CRTAC1: variants seen among roughly 807,000 people sequenced by gnomAD.
CRTAC1 encodes the protein acidic secreted protein in cartilage.
A neutral mutation model predicts 67.8 loss-of-function variants in CRTAC1; 37 were observed. The observed-to-expected ratio is 0.55, with a 90% confidence interval of 0.42 to 0.72. CRTAC1 has a LOEUF of 0.72. Among genes scored for constraint, CRTAC1 ranks in the 30% least tolerant of loss-of-function variants. The pLI, the probability that CRTAC1 is intolerant of heterozygous loss-of-function variation, is 0.00. For missense variants in CRTAC1, 780 were observed against 931.6 expected (o/e 0.84, Z 2.12); for synonymous variants, 348 against 371.0 (o/e 0.94, Z 0.71).
At chr10:97,936,435 G>A in intron 2 of CRTAC1, 69 bp from the exon 3 acceptor site, 3 of 1,340,354 alleles carry the variant, frequency 2.2e-6, no homozygotes, top group Admixed American at 3.8e-5. Context: ...TCCAACCAGA[G>A]CAACGGGCTG....
At chr10:98,005,666 C>CTA (rs1366539390) in intron 2 of CRTAC1, among the ~76,000 whole-genome samples, 8 of 150,564 alleles carry the variant, frequency 5.3e-5, no homozygotes, top group South Asian at 4.2e-4. Context: ...TCTATAAATA[C>CTA]TATATATATA....
chr10:97,896,396 T>A (rs150461590), intron 9 of CRTAC1, among the ~76,000 whole-genome samples: 128 of 152,278 alleles, frequency 8.4e-4, no homozygotes, highest in African/African-American at 2.7e-3. Context: ...AGGGCAGATA[T>A]AATTATCCCC....
At chr10:97,940,567 G>A (rs1338693063) in intron 2 of CRTAC1, among the ~76,000 whole-genome samples, 4 of 152,208 alleles carry the variant, frequency 2.6e-5, no homozygotes, top group Admixed American at 1.3e-4. Flanking sequence ...TGACCAACCC[G>A]TGCTGTGAGA....
chr10:98,014,121 A>T (rs1486533357), intron 1 of CRTAC1, among the ~76,000 whole-genome samples: 1 of 152,156 alleles, frequency 6.6e-6, no homozygotes, highest in Non-Finnish European at 1.5e-5. Context: ...TGTAAATATA[A>T]TATTTACCCT....
At chr10:97,954,027 G>A (rs1489910585) in intron 2 of CRTAC1, among the ~76,000 whole-genome samples, 2 of 152,122 alleles carry the variant, frequency 1.3e-5, no homozygotes, top group Admixed American at 6.5e-5. Flanking sequence ...CTGTCGAGAC[G>A]TCTCTACAGC....
At chr10:97,912,789 G>C (rs2050706002) in intron 5 of CRTAC1, among the ~76,000 whole-genome samples, 1 of 152,150 alleles carries the variant, frequency 6.6e-6, no homozygotes, top group Admixed American at 6.5e-5. Flanking sequence ...TGCTCTCCAG[G>C]CCTCAGTTTC....
chr10:97,969,252 G>A (rs1466787799), intron 2 of CRTAC1, among the ~76,000 whole-genome samples: 1 of 152,160 alleles, frequency 6.6e-6, no homozygotes, highest in African/African-American at 2.4e-5. Context: ...GGGAGGAGGA[G>A]CTTCTAGAAT....
At position 98,029,472 on chromosome 10, in the gene CRTAC1, T is replaced by C. The variant is rs1222697563; in HGVS notation, c.24+977A>G. Among the ~76,000 whole-genome samples, 2 of 143,202 alleles carry C rather than the reference T, an allele frequency of 1.4e-5. No individual in the cohort carries two copies. Among genetic ancestry groups the C allele is most frequent in the African/African-American group, 2.5e-5 (1 of 39,648 alleles). The allele number at this position is 143,202 out of a possible 152,430, so 93.9% of individuals were successfully genotyped here. Reference sequence around the variant, plus strand: ...TGGGATGTGCAGAAGCCACACTGGGTGCACCCACCAGCAGCAGCAGCGGCG... The same window carrying C: ...TGGGATGTGCAGAAGCCACACTGGGCGCACCCACCAGCAGCAGCAGCGGCG... On this transcript the variant is annotated intron_variant, in intron 1 of 14. Transcript: ENST00000370597. The surrounding 1 kb of genome is among the most constrained non-coding windows in gnomAD (Gnocchi z 4.7).
intron 14 of CRTAC1, among the ~76,000 whole-genome samples, chr10:97,876,801 G>C (rs959455626): frequency 2.6e-5 from 4 of 152,128 alleles, no homozygotes; most frequent in Non-Finnish European, 5.9e-5. Flanking sequence ...GAAGAAAGAG[G>C]GGAATGGGAA....
At chr10:97,902,041 C>T (rs1209227400) in intron 7 of CRTAC1, among the ~76,000 whole-genome samples, 1 of 152,098 alleles carries the variant, frequency 6.6e-6, no homozygotes, top group East Asian at 1.9e-4. Flanking sequence ...CTTCTGATTC[C>T]GGACTCTGTG....
Position 97,973,888 on chromosome 10 carries a change from A to G in CRTAC1, c.224+37250T>C, listed in dbSNP as rs116228296. On this transcript the variant is annotated intron_variant, in intron 2 of 14. Coordinates refer to ENST00000370597, the MANE Select transcript of CRTAC1 (RefSeq NM_018058.7). ...CCTAGGGGTTCATGAACCTCCCAAA[A>G]CTGCAGAATTCTGTGATTATAATAG... Among the ~76,000 whole-genome samples, 974 of 150,498 alleles carry G rather than the reference A, an allele frequency of 6.5e-3. 12 individuals are homozygous for G. The highest frequency in any genetic ancestry group is 0.022 in the African/African-American group (900 of 40,888).
intron 2 of CRTAC1, among the ~76,000 whole-genome samples, chr10:97,957,857 G>T (rs542190821): frequency 1.3e-5 from 2 of 152,090 alleles, no homozygotes; most frequent in African/African-American, 4.8e-5. Context: ...GGTGGGTGAG[G>T]GGCTTGGAAA....
Position 98,003,129 on chromosome 10 carries a change from G to T in CRTAC1, c.224+8009C>A, listed in dbSNP as rs115763478. ...ACAGGGATTGACGTTGATTACAAAA[G>T]AATACATTTGTTGGTAGCATATTTC... On this transcript the variant is annotated intron_variant, in intron 2 of 14. Coordinates refer to ENST00000370597, the MANE Select transcript of CRTAC1 (RefSeq NM_018058.7). 3.0e-3 allele frequency among the ~76,000 whole-genome samples: 462 copies of T among 152,180 alleles called. 1 individual carries two copies. The highest frequency in any genetic ancestry group is 0.01 in the African/African-American group (433 of 41,530).
intron 1 of CRTAC1, among the ~76,000 whole-genome samples, chr10:98,020,363 AC>A (rs11336484): frequency 0.22 from 33,518 of 152,170 alleles, 3,901 homozygotes; most frequent in African/African-American, 0.27. Flanking sequence ...CACATAAGTA[AC>A]CCACTTAATA....
chr10:98,019,271 G>C (rs1259723090), intron 1 of CRTAC1, among the ~76,000 whole-genome samples: 1 of 152,156 alleles, frequency 6.6e-6, no homozygotes, highest in African/African-American at 2.4e-5. Context: ...CCGCCGCCTG[G>C]CTTATAAGCT....
At position 97,989,834 on chromosome 10, in the gene CRTAC1, G is replaced by T. The variant is rs980774716; in HGVS notation, c.224+21304C>A. Among the ~76,000 whole-genome samples, 14 of 152,198 alleles carry T rather than the reference G, an allele frequency of 9.2e-5. No homozygotes were observed. In the South Asian group the frequency reaches 2.9e-3, roughly 32 times the overall value. On this transcript the variant is annotated intron_variant, in intron 2 of 14. Transcript: ENST00000370597. ...GGGAAGGAGTTAGAGTTTAACCACA[G>T]ATTTGTGTAACCACAGATTGCGTGA...
chr10:97,931,488 T>G (rs2051003209), intron 3 of CRTAC1, among the ~76,000 whole-genome samples: 1 of 152,250 alleles, frequency 6.6e-6, no homozygotes, highest in South Asian at 2.1e-4. Context: ...AGTGGAGTAC[T>G]ATACAACCAT....
chr10:97,903,408 G>A (rs2050568243), intron 7 of CRTAC1, among the ~76,000 whole-genome samples: 1 of 151,600 alleles, frequency 6.6e-6, no homozygotes, highest in Admixed American at 6.6e-5. Flanking sequence ...GAATAAAGGT[G>A]GAAATCGTCC....
chr10:97,895,971 C>T lies in CRTAC1; in HGVS notation c.1231G>A (p.Asp411Asn), dbSNP rs1238694116. ...EGRGTGGVVT[D>N]FDGDGMLDLI... is the part of the protein sequence containing the mutation. ...TCCAGCATCCCGTCTCCGTCGAAGT[C>T]GGTCACCACACCCCCTACAAACAAT... Residue 411 changes from aspartate to asparagine, a missense_variant, in exon 10 of 15, where the codon GAC (aspartate) becomes AAC (asparagine). Physicochemically the swap from Asp to Asn is conservative, Grantham distance 23. Transcript: ENST00000370597. This position sits in a 1 kb window ranked among gnomAD's most constrained non-coding sequence, Gnocchi z 4.2. 5.0e-6 allele frequency: 8 copies of T among 1,613,932 alleles called. No homozygotes were observed. The highest frequency in any genetic ancestry group is 1.7e-6 in the Non-Finnish European group (2 of 1,179,916).
Sources: allele counts gnomAD v4.1 joint callset (sites outside exome capture counted in the v4.1 genomes callset), GRCh38; gene constraint gnomAD v4.1.1; non-coding constraint Gnocchi (gnomAD v3.1); transcripts MANE v1.5; gene names NCBI Gene and HGNC (gene_info 2026-07-23, HGNC 2026-07-21).